Variants in ABL1 observed in about 807,000 individuals in gnomAD.
ABL1 encodes tyrosine-protein kinase ABL1.
A neutral mutation model predicts 94.7 loss-of-function variants in ABL1; 11 were observed. That is an observed-to-expected ratio of 0.12 (90% confidence interval 0.07 to 0.19). The LOEUF is 0.19. ABL1 is among the 10% of genes least tolerant of loss of function. The pLI is 1.00. For missense variants in ABL1, 1,082 were observed against 1,489.4 expected, an observed-to-expected ratio of 0.73 and a Z score of 4.50; for synonymous variants, 656 against 622.4, an observed-to-expected ratio of 1.05 and a Z score of -0.80.
intron 1 of ABL1, among the ~76,000 whole-genome samples, chr9:130,776,543 C>CTCTA (rs1006460107): frequency 6.6e-6 from 1 of 151,138 alleles, no homozygotes; most frequent in Non-Finnish European, 1.5e-5. Context: ...TGCTACTGTA[C>CTCTA]TCTAGCCTGG....
chr9:130,878,717 T>A, intron 8 of ABL1, 150 bp downstream of exon 8: 1 of 935,636 alleles, frequency 1.1e-6, no homozygotes, highest in Non-Finnish European at 1.6e-6. Flanking sequence ...ATTTGCTACC[T>A]ATTGACCTTT....
At chr9:130,854,005 T>C in intron 1 of ABL1, 59 bp from the exon 2 acceptor site, 1 of 1,535,820 alleles carries the variant, frequency 6.5e-7, no homozygotes, top group Non-Finnish European at 8.7e-7. Flanking sequence ...ATAAAACTAA[T>C]TTTTTCTCCC....
At chr9:130,876,733 CTTTTTTTTTTTT>C (rs755840936) in intron 7 of ABL1, among the ~76,000 whole-genome samples, 1 of 83,230 alleles carries the variant, frequency 1.2e-5, no homozygotes, top group Non-Finnish European at 2.2e-5. Context: ...AAGTTGGTTT[CTTTTTTTTTTTT>C]TTTTTTTTTT....
chr9:130,844,053 C>T (rs1037151185), intron 1 of ABL1, among the ~76,000 whole-genome samples: 12 of 152,112 alleles, frequency 7.9e-5, no homozygotes, highest in African/African-American at 2.9e-4. Flanking sequence ...CCAGCATTGC[C>T]CCCGATGACA....
chr9:130,729,736 T>C (rs1249300065), intron 1 of ABL1, among the ~76,000 whole-genome samples: 2 of 147,020 alleles, frequency 1.4e-5, no homozygotes, highest in Non-Finnish European at 3.1e-5. Context: ...CAATTCTGCA[T>C]ATTCTTTTTT....
chr9:130,796,616 C>T (rs1829976436), intron 1 of ABL1, among the ~76,000 whole-genome samples: 1 of 151,950 alleles, frequency 6.6e-6, no homozygotes, highest in Non-Finnish European at 1.5e-5. Context: ...TAAAAAAAGA[C>T]TCTTTCAAAG....
At chr9:130,776,457 G>T (rs566349115) in intron 1 of ABL1, among the ~76,000 whole-genome samples, 1 of 152,266 alleles carries the variant, frequency 6.6e-6, no homozygotes, top group South Asian at 2.1e-4. Flanking sequence ...TTATCTGGGC[G>T]TGGTGGCTAC....
chr9:130,788,898 T>C (rs574624809), intron 1 of ABL1, among the ~76,000 whole-genome samples: 3 of 152,354 alleles, frequency 2.0e-5, no homozygotes, highest in East Asian at 1.9e-4. Context: ...GTTAATGATA[T>C]TAATTTTGAT....
chr9:130,880,504 G>A lies in ABL1; in HGVS notation c.1518G>A (p.Val506=), dbSNP rs1447590479. ...MFQESSISDE[V]EKELGKQGVR... is the part of the protein sequence containing the mutation. Reference sequence around the variant, plus strand: ...CTGTCCCTGTATGATTCTTAGAAGTGGAAAAGGAGCTGGGGAAACAAGGCG... The same window carrying A: ...CTGTCCCTGTATGATTCTTAGAAGTAGAAAAGGAGCTGGGGAAACAAGGCG... The change falls in exon 10 of 11, where the codon GTG becomes GTA. Residue 506 remains valine (V), a synonymous_variant. Coordinates refer to ENST00000318560, the MANE Select transcript of ABL1 (RefSeq NM_005157.6). This position sits in a 1 kb window ranked among gnomAD's most constrained non-coding sequence, Gnocchi z 4.4. The A allele has an allele frequency of 6.2e-7, 1 of 1,613,906 alleles. No individual in the cohort carries two copies. Among genetic ancestry groups the A allele is most frequent in the Non-Finnish European group, 8.5e-7 (1 of 1,179,876 alleles).
intron 1 of ABL1, among the ~76,000 whole-genome samples, chr9:130,728,080 T>G (rs1448503318): frequency 6.6e-6 from 1 of 152,178 alleles, no homozygotes. Flanking sequence ...TTGTTTGTTT[T>G]TTGGAGACAA....
intron 3 of ABL1, among the ~76,000 whole-genome samples, chr9:130,857,268 G>C (rs1237185032): frequency 2.6e-5 from 4 of 152,192 alleles, no homozygotes; most frequent in Non-Finnish European, 5.9e-5. Flanking sequence ...ACCCTCTATA[G>C]AAATTGTACA....
intron 1 of ABL1, among the ~76,000 whole-genome samples, chr9:130,758,482 G>C (rs1832070033): frequency 1.3e-5 from 2 of 151,440 alleles, no homozygotes; most frequent in Admixed American, 1.3e-4. Flanking sequence ...GCTCAGGCTG[G>C]AATGCAGTGG....
At chr9:130,834,280 T>C (rs1830530934), upstream of ABL1, among the ~76,000 whole-genome samples, 1 of 152,206 alleles carries the variant, frequency 6.6e-6, no homozygotes, top group Non-Finnish European at 1.5e-5. Context: ...CCCTTTACAG[T>C]TTTGTGATTA....
At chr9:130,845,230 G>A (rs1830745317) in intron 1 of ABL1, among the ~76,000 whole-genome samples, 1 of 152,146 alleles carries the variant, frequency 6.6e-6, no homozygotes, top group Admixed American at 6.5e-5. Context: ...TTAGTCCAAG[G>A]TTTAAATATT....
exon 1 of ABL1, among the ~76,000 whole-genome samples, chr9:130,713,381 C>T (rs1333231114): frequency 3.3e-5 from 5 of 152,170 alleles, no homozygotes; most frequent in Non-Finnish European, 7.3e-5. Context: ...TGGGACACTG[C>T]GGGTGGTCTG....
intron 1 of ABL1, among the ~76,000 whole-genome samples, chr9:130,779,222 G>T (rs1221304888): frequency 6.6e-6 from 1 of 152,354 alleles, no homozygotes. Flanking sequence ...GAGTCACAGA[G>T]TGGCAGCGAC....
intron 1 of ABL1, among the ~76,000 whole-genome samples, chr9:130,741,241 C>T (rs1197105436): frequency 3.3e-5 from 5 of 152,204 alleles, no homozygotes; most frequent in African/African-American, 1.2e-4. Context: ...CTGGCACCCA[C>T]AAATGCCACA....
chr9:130,729,169 C>G (rs1482773961), intron 1 of ABL1, among the ~76,000 whole-genome samples: 3 of 152,010 alleles, frequency 2.0e-5, no homozygotes, highest in Non-Finnish European at 2.9e-5. Flanking sequence ...TTTTTGGGGT[C>G]GAAACAAAAT....
In ABL1 at chr9:130,885,113, G is replaced by C. The variant is rs776199749; in HGVS notation, c.2823G>C (p.Val941=). The change falls in exon 11 of 11, where the codon GTG becomes GTC. Residue 941 remains valine (V), a synonymous_variant. Coordinates refer to ENST00000318560, the MANE Select transcript of ABL1 (RefSeq NM_005157.6). ...KTKATSLVDA[V]NSDAAKPSQP... is the part of the protein sequence containing the mutation. ...AAGCCACGAGTCTGGTTGATGCTGT[G>C]AACAGTGACGCTGCCAAGCCCAGCC... The C allele has an allele frequency of 6.2e-7, 1 of 1,612,346 alleles. No homozygotes were observed. The highest frequency in any genetic ancestry group is 1.7e-5 in the Admixed American group (1 of 59,968).
Sources: gnomAD v4.1 joint callset for allele counts (sites outside exome capture counted in the v4.1 genomes callset) on GRCh38, gnomAD v4.1.1 for gene constraint, Gnocchi (gnomAD v3.1) non-coding constraint, MANE v1.5 for transcripts, NCBI Gene and HGNC (gene_info 2026-07-23, HGNC 2026-07-21) for gene names.